The following NRG1 variants were observed in gnomAD, a reference collection of about 807,000 sequenced individuals.
NRG1 encodes the protein neuregulin 1.
Under a neutral mutation model 63.8 loss-of-function variants are expected in NRG1, and 18 were observed. The observed-to-expected ratio is 0.28, with a 90% CI of 0.19 to 0.42. The LOEUF (loss-of-function observed/expected upper bound fraction) is 0.42, where lower values mean the gene tolerates loss of function less well. Among genes scored for constraint, NRG1 ranks in the 10% least tolerant of loss-of-function variants. The pLI, the probability that NRG1 is intolerant of heterozygous loss-of-function variation, is 1.00. For synonymous variants in NRG1, 302 were observed against 301.3 expected, an observed-to-expected ratio of 1.00 and a Z score of -0.02; for missense variants, 762 against 814.7, an observed-to-expected ratio of 0.94 and a Z score of 0.79.
intron 1 of NRG1, among the ~76,000 whole-genome samples, chr8:31,710,591 G>GT (rs1563316762): frequency 2.0e-5 from 3 of 151,860 alleles, no homozygotes; most frequent in South Asian, 2.1e-4. Context: ...ATACAATGTT[G>GT]TTTTTTGCAT....
At chr8:31,855,572 C>G (rs1827772469) in intron 1 of NRG1, among the ~76,000 whole-genome samples, 2 of 152,102 alleles carry the variant, frequency 1.3e-5, no homozygotes. Context: ...ATCCAGTTTG[C>G]CAGTCTGTGT....
intron 1 of NRG1, among the ~76,000 whole-genome samples, chr8:31,744,987 T>A (rs2131421692): frequency 6.6e-6 from 1 of 151,908 alleles, no homozygotes; most frequent in East Asian, 1.9e-4. Context: ...AATGTTGAGG[T>A]TTCACAGTAG....
chr8:32,352,738 G>A (rs1321390556), intron 1 of NRG1, among the ~76,000 whole-genome samples: 2 of 151,934 alleles, frequency 1.3e-5, no homozygotes, highest in Admixed American at 1.3e-4. Context: ...ACAATTAGCT[G>A]GGCATGGTGG....
At chr8:32,609,385 T>C (rs1845898323) in intron 3 of NRG1, among the ~76,000 whole-genome samples, 1 of 152,054 alleles carries the variant, frequency 6.6e-6, no homozygotes, top group African/African-American at 2.4e-5. Context: ...CCTGTCTCCC[T>C]AGGAATCAGG....
intron 5 of NRG1, chr8:32,647,657 G>A (rs1266118773): frequency 6.7e-7 from 1 of 1,499,482 alleles, no homozygotes; most frequent in East Asian, 2.3e-5. Context: ...ATTTGGTTGG[G>A]GGGGCCTCTG....
chr8:32,480,119 A>G (rs1587884533), intron 1 of NRG1, among the ~76,000 whole-genome samples: 1 of 152,320 alleles, frequency 6.6e-6, no homozygotes, highest in African/African-American at 2.4e-5. Flanking sequence ...CATTGAACAA[A>G]TGCTCCTTAA....
rs189031218 is a variant in NRG1 at position 32,033,051 on chromosome 8, C to T, written c.37+393620C>T. Reference sequence around the variant, plus strand: ...TCCTTTCCCCATTGCTTGTTTTTGTCAGGTTTGTCAAAGATCAGATGGTTG... The same window carrying T: ...TCCTTTCCCCATTGCTTGTTTTTGTTAGGTTTGTCAAAGATCAGATGGTTG... On this transcript the variant is annotated intron_variant, in intron 1 of 10. Transcript: ENST00000519301. Among the ~76,000 whole-genome samples the T allele has an allele frequency of 3.3e-3, 498 of 150,822 alleles. 1 individual carries two copies. The highest frequency in any genetic ancestry group is 0.012 in the African/African-American group (473 of 41,086).
At chr8:32,513,537 T>A (rs1240500238) in intron 1 of NRG1, among the ~76,000 whole-genome samples, 1 of 152,042 alleles carries the variant, frequency 6.6e-6, no homozygotes, top group Non-Finnish European at 1.5e-5. Flanking sequence ...ATCTGTCAAG[T>A]AGGGGTAATG....
intron 2 of NRG1, among the ~76,000 whole-genome samples, chr8:32,605,054 C>T (rs952860825): frequency 3.3e-5 from 5 of 152,076 alleles, no homozygotes; most frequent in African/African-American, 1.2e-4. Flanking sequence ...CCTCTTAATT[C>T]AAAATTAACA....
rs116794720 is a variant in NRG1 at position 32,340,510 on chromosome 8, G to A, written c.38-255318G>A. On this transcript the variant is annotated intron_variant, in intron 1 of 10. Transcript: ENST00000519301. ...TTGGTAGTAAAATATACTTCTTTCT[G>A]GTAAAAGGAGACCTGAGAAAGTAGA... Among the ~76,000 whole-genome samples the A allele has an allele frequency of 3.2e-3, 484 of 152,190 alleles. 6 individuals carry two copies. Among genetic ancestry groups the A allele is most frequent in the African/African-American group, 0.011 (469 of 41,544 alleles).
intron 1 of NRG1, among the ~76,000 whole-genome samples, chr8:31,927,533 C>T (rs1378486349): frequency 1.3e-5 from 2 of 148,344 alleles, no homozygotes; most frequent in African/African-American, 2.5e-5. Context: ...ACTGCAAGCT[C>T]CGCCTCCGGG....
intron 5 of NRG1, among the ~76,000 whole-genome samples, chr8:32,712,610 T>C (rs1427556473): frequency 1.3e-5 from 2 of 152,200 alleles, no homozygotes; most frequent in African/African-American, 4.8e-5. Context: ...AATGATGACT[T>C]CTCATCTAAC....
chr8:31,981,013 T>C (rs2219978), intron 1 of NRG1, among the ~76,000 whole-genome samples: 95,238 of 151,824 alleles, frequency 0.63, 34,233 homozygotes, highest in Non-Finnish European at 0.81. Flanking sequence ...CTGCCTAAAG[T>C]AAATGCTAAC....
chr8:31,930,564 G>A (rs1834775652), intron 1 of NRG1, among the ~76,000 whole-genome samples: 1 of 152,148 alleles, frequency 6.6e-6, no homozygotes, highest in African/African-American at 2.4e-5. Flanking sequence ...AGCTACAAAT[G>A]GCTAGCTCTT....
intron 1 of NRG1, among the ~76,000 whole-genome samples, chr8:32,357,611 T>C (rs1806616631): frequency 1.3e-5 from 2 of 152,208 alleles, no homozygotes; most frequent in African/African-American, 2.4e-5. Context: ...ATTTGTGCCC[T>C]TCCTTCTCCT....
At chr8:32,562,425 A>G (rs552126383) in intron 1 of NRG1, among the ~76,000 whole-genome samples, 1 of 151,582 alleles carries the variant, frequency 6.6e-6, no homozygotes, top group East Asian at 1.9e-4. Context: ...TTTTTTTTTA[A>G]TTTTGTAGAG....
At chr8:31,828,512 G>A (rs916595306) in intron 1 of NRG1, among the ~76,000 whole-genome samples, 7 of 152,124 alleles carry the variant, frequency 4.6e-5, no homozygotes, top group Non-Finnish European at 1.5e-5. Context: ...AATCCCCCGA[G>A]GCTCAGGTCT....
intron 6 of NRG1, among the ~76,000 whole-genome samples, chr8:32,734,144 TAGA>T (rs1443899545): frequency 6.6e-6 from 1 of 152,106 alleles, no homozygotes; most frequent in Non-Finnish European, 1.5e-5. Flanking sequence ...CCTTACAGGC[TAGA>T]AGAAGTCTGG....
chr8:32,558,301 G>A (rs934256353), intron 1 of NRG1, among the ~76,000 whole-genome samples: 63 of 152,166 alleles, frequency 4.1e-4, no homozygotes, highest in African/African-American at 1.3e-3. Context: ...TTATGCATTC[G>A]GTTTTCACTA....
Sources: allele counts gnomAD v4.1 joint callset (sites outside exome capture counted in the v4.1 genomes callset), GRCh38; gene constraint gnomAD v4.1.1; transcripts MANE v1.5; gene names NCBI Gene and HGNC (gene_info 2026-07-23, HGNC 2026-07-21).